The following LMAN2 variants were observed in gnomAD, a reference collection of about 807,000 sequenced individuals.
LMAN2 encodes vesicular integral-membrane protein VIP36.
LMAN2 carries 22 observed loss-of-function variants against 39.3 expected under a neutral mutation model. The ratio of observed to expected loss-of-function variants is 0.56; its 90% CI spans 0.40 to 0.80. The LOEUF (loss-of-function observed/expected upper bound fraction) is 0.80, where lower values mean the gene tolerates loss of function less well. LMAN2 is among the 30% of genes least tolerant of loss of function. LMAN2 has a pLI of 0.00. For missense variants in LMAN2, 494 were observed against 505.4 expected, an observed-to-expected ratio of 0.98 and a Z score of 0.22; for synonymous variants, 207 against 207.8, an observed-to-expected ratio of 1.00 and a Z score of 0.03.
intron 6 of LMAN2, among the ~76,000 whole-genome samples, chr5:177,335,465 G>A (rs953570037): frequency 4.6e-5 from 7 of 152,228 alleles, no homozygotes; most frequent in Non-Finnish European, 1.0e-4. Flanking sequence ...CCCTCATGGT[G>A]CCTCCTCCAC....
rs891132974 is a variant in LMAN2 at position 177,332,640 on chromosome 5, C to G, written c.911-394G>C. On this transcript the variant is annotated intron_variant, in intron 7 of 7. Coordinates refer to ENST00000303127, the MANE Select transcript of LMAN2 (RefSeq NM_006816.3). The surrounding 1 kb of genome is among the most constrained non-coding windows in gnomAD (Gnocchi z 6.3). ...GAGGGCCCTTTCTGGAGCAGCGCGGCCCTGGTCACAGGCTCTCCCAGCCCA... is the reference window on the plus strand; with the variant it reads ...GAGGGCCCTTTCTGGAGCAGCGCGGGCCTGGTCACAGGCTCTCCCAGCCCA... Among the ~76,000 whole-genome samples the G allele has an allele frequency of 2.0e-5, 3 of 152,146 alleles. No homozygotes were observed. The highest frequency in any genetic ancestry group is 4.4e-5 in the Non-Finnish European group (3 of 68,008).
intron 2 of LMAN2, among the ~76,000 whole-genome samples, chr5:177,342,342 TA>T (rs1173253544): frequency 6.7e-6 from 1 of 150,374 alleles, no homozygotes; most frequent in African/African-American, 2.4e-5. Context: ...TCCATCTCTA[TA>T]AAAAAAAATA....
At chr5:177,341,064 CTTTT>C (rs1298735934) in intron 2 of LMAN2, among the ~76,000 whole-genome samples, 2 of 108,940 alleles carry the variant, frequency 1.8e-5, no homozygotes, top group Non-Finnish European at 3.5e-5. Context: ...CTTTTTTTTT[CTTTT>C]TTTTTTTTTT....
intron 2 of LMAN2, among the ~76,000 whole-genome samples, chr5:177,341,172 T>A (rs1209045483): frequency 6.6e-6 from 1 of 151,588 alleles, no homozygotes; most frequent in East Asian, 1.9e-4. Context: ...GTTCAAGCGA[T>A]TCTCCTGCCT....
intron 2 of LMAN2, 36 bp downstream of exon 2, chr5:177,351,137 C>G: frequency 6.3e-7 from 1 of 1,596,278 alleles, no homozygotes; most frequent in Non-Finnish European, 8.6e-7. Flanking sequence ...TAGCAGCCAA[C>G]CGCACAGTAC....
Position 177,338,487 on chromosome 5 carries a change from C to T in LMAN2, c.433+1G>A, listed in dbSNP as rs1761507786. 2 of 1,613,042 alleles carry T rather than the reference C, an allele frequency of 1.2e-6. No individual in the cohort carries two copies. Among genetic ancestry groups the T allele is most frequent in the Non-Finnish European group, 1.7e-6 (2 of 1,179,102 alleles). On this transcript the variant is annotated splice_donor_variant, in intron 3 of 7. Transcript: ENST00000303127. LOFTEE classifies it high-confidence loss of function. ...GCCCAGCTGAGCGAACACCAGCCCACCTGGCACGAGGCGGTCCCGGGTGTA... is the reference window on the plus strand; with the variant it reads ...GCCCAGCTGAGCGAACACCAGCCCATCTGGCACGAGGCGGTCCCGGGTGTA...
chr5:177,334,194 C>A, intron 7 of LMAN2, 90 bp downstream of exon 7: 2 of 1,512,980 alleles, frequency 1.3e-6, no homozygotes, highest in Admixed American at 4.1e-5. Flanking sequence ...ACCACAACCA[C>A]GACTGGACCA....
At chr5:177,348,783 C>A (rs1337984983) in intron 2 of LMAN2, among the ~76,000 whole-genome samples, 2 of 146,374 alleles carry the variant, frequency 1.4e-5, no homozygotes, top group Non-Finnish European at 3.0e-5. Flanking sequence ...ACTCAGGGGG[C>A]TGAGGCAGGA....
At chr5:177,345,002 T>C (rs1024622574) in intron 2 of LMAN2, among the ~76,000 whole-genome samples, 2 of 151,962 alleles carry the variant, frequency 1.3e-5, no homozygotes, top group Non-Finnish European at 1.5e-5. Context: ...GATGTGTACG[T>C]ACAACAGTGG....
chr5:177,345,736 C>CTTATTTATTTATTT lies in LMAN2; in HGVS notation c.315+5436_315+5437insAAATAAATAAATAA, dbSNP rs1561606912. ...GAAGGCTCGCAGCAGCCATGGCATGCATTTATTTATTTATTTATTTATTTA... is the reference window on the plus strand; with the variant it reads ...GAAGGCTCGCAGCAGCCATGGCATGCTTATTTATTTATTTATTTATTTATTTATTTATTTATTTA... On this transcript the variant is annotated intron_variant, in intron 2 of 7. Transcript: ENST00000303127. Among the ~76,000 whole-genome samples, 412 of 135,550 alleles carry CTTATTTATTTATTT rather than the reference C, an allele frequency of 3.0e-3. 3 individuals are homozygous for CTTATTTATTTATTT. The highest frequency in any genetic ancestry group is 3.8e-3 in the Middle Eastern group (1 of 264). 88.9% of individuals were successfully genotyped at this position (135,550 alleles called of 152,430 possible).
chr5:177,338,449 C>T, intron 3 of LMAN2, 39 bp downstream of exon 3: 3 of 1,563,864 alleles, frequency 1.9e-6, no homozygotes, highest in Non-Finnish European at 2.6e-6. Context: ...ATGCCCGTGC[C>T]CACCCCCACA....
At position 177,334,355 on chromosome 5, in the gene LMAN2, T is replaced by A. The variant is rs1308323540; in HGVS notation, c.839A>T (p.His280Leu). ...SMKLFQLMVE[H>L]TPDEESIDWT... ...GTCGATGCTCTCCTCGTCGGGCGTG[T>A]GCTCCACCATCAGCTGGAACAGCTT... Residue 280 changes from histidine to leucine, a missense_variant, in exon 7 of 8, where the codon CAC becomes CTC. His to Leu is a moderately conservative substitution (Grantham distance 99). Coordinates refer to ENST00000303127, the MANE Select transcript of LMAN2 (RefSeq NM_006816.3). The A allele has an allele frequency of 6.2e-7, 1 of 1,613,610 alleles. No individual in the cohort carries two copies. The highest frequency in any genetic ancestry group is 1.7e-5 in the Admixed American group (1 of 60,006).
At chr5:177,348,309 C>A (rs1217053582) in intron 2 of LMAN2, among the ~76,000 whole-genome samples, 3 of 152,064 alleles carry the variant, frequency 2.0e-5, no homozygotes, top group Non-Finnish European at 4.4e-5. Context: ...ATATGGTAGG[C>A]TAATGAATAA....
At position 177,332,287 on chromosome 5, in the gene LMAN2, G is replaced by A. The variant is rs772233923; in HGVS notation, c.911-41C>T. The A allele has an allele frequency of 9.4e-6, 15 of 1,593,478 alleles. No individual in the cohort carries two copies. Among genetic ancestry groups the A allele is most frequent in the Non-Finnish European group, 1.3e-5 (15 of 1,167,924 alleles). ...CGGGGGAGCTGAAACGGCAGCACGG[G>A]CCGGGGATCAGGGGGCTGCAGGAGG... is the stretch of plus-strand genomic sequence containing the variant. On this transcript the variant is annotated intron_variant, in intron 7 of 7. Transcript: ENST00000303127. This position sits in a 1 kb window ranked among gnomAD's most constrained non-coding sequence, Gnocchi z 6.3.
At position 177,339,868 on chromosome 5, in the gene LMAN2, G is replaced by A. The variant is rs116121933; in HGVS notation, c.316-1263C>T. On this transcript the variant is annotated intron_variant, in intron 2 of 7. Transcript: ENST00000303127. ...CACTGTACCCCAATTTGAGCAATATGCTTCATGCATTCATTGATGCCACAG... is the reference window on the plus strand; with the variant it reads ...CACTGTACCCCAATTTGAGCAATATACTTCATGCATTCATTGATGCCACAG... Among the ~76,000 whole-genome samples, 656 of 152,278 alleles carry A rather than the reference G, an allele frequency of 4.3e-3. 8 individuals carry two copies. The highest frequency in any genetic ancestry group is 5.7e-3 in the Admixed American group (87 of 15,290).
Position 177,351,468 on chromosome 5 carries a change from G to T in LMAN2, c.180C>A (p.Leu60=). The change falls in exon 1 of 8, where the codon CTC becomes CTA. Residue 60 remains leucine, a synonymous_variant. Coordinates refer to ENST00000303127, the MANE Select transcript of LMAN2 (RefSeq NM_006816.3). ...GGGCTTCACCTTGGTAGGGCTTAAT[G>T]AGCGAATGCTCCCGCTTGAGATGTT... ...NSEHLKREHS[L]IKPYQGVGSS... is the part of the protein sequence containing the mutation. 6.2e-7 allele frequency: 1 copy of T among 1,613,526 alleles called. No homozygotes were observed. Among genetic ancestry groups the T allele is most frequent in the Non-Finnish European group, 8.5e-7 (1 of 1,179,688 alleles).
rs759782525 is a variant in LMAN2 at position 177,351,157 on chromosome 5, C to T, written c.315+16G>A. ...GCCAACCGCACAGTACGCCTATCCT[C>T]TTGAGAACCACTCACCTGGTGGTTC... is the stretch of plus-strand genomic sequence containing the variant. On this transcript the variant is annotated intron_variant, in intron 2 of 7. Coordinates refer to ENST00000303127, the MANE Select transcript of LMAN2 (RefSeq NM_006816.3). 2 of 1,611,984 alleles carry T rather than the reference C, an allele frequency of 1.2e-6. No homozygotes were observed. Among genetic ancestry groups the T allele is most frequent in the South Asian group, 1.1e-5 (1 of 90,998 alleles).
chr5:177,346,605 A>G (rs930733543), intron 2 of LMAN2, among the ~76,000 whole-genome samples: 2 of 152,322 alleles, frequency 1.3e-5, no homozygotes, highest in South Asian at 2.1e-4. Flanking sequence ...GCCTCAAAAC[A>G]TATAAAACAG....
At position 177,331,925 on chromosome 5, in the gene LMAN2, T is replaced by C. The variant is rs1215060531; in HGVS notation, c.*161A>G. The stretch of plus-strand genomic sequence containing the variant: ...GACCCTAAGCCTCGGCTCTGCCACC[T>C]GTCCCTGCTGGGCAAGAAGCAAAAT... On this transcript the variant is annotated 3_prime_UTR_variant, in exon 8 of 8. Coordinates refer to ENST00000303127, the MANE Select transcript of LMAN2 (RefSeq NM_006816.3). 2 of 848,604 alleles carry C rather than the reference T, an allele frequency of 2.4e-6. No homozygotes were observed. Among genetic ancestry groups the C allele is most frequent in the African/African-American group, 1.7e-5 (1 of 58,304 alleles). The allele number at this position is 848,604 out of a possible 1,614,324, so 52.6% of individuals were successfully genotyped here.
Sources: allele counts gnomAD v4.1 joint callset (sites outside exome capture counted in the v4.1 genomes callset), GRCh38; gene constraint gnomAD v4.1.1; non-coding constraint Gnocchi (gnomAD v3.1); transcripts MANE v1.5; gene names NCBI Gene and HGNC (gene_info 2026-07-23, HGNC 2026-07-21).